EIF3H: variants seen among roughly 807,000 people sequenced by gnomAD.
EIF3H encodes the protein eukaryotic translation initiation factor 3 subunit H, also known as eIF-3-gamma.
Under a neutral mutation model 44.2 loss-of-function variants are expected in EIF3H, and 26 were observed. The observed-to-expected ratio is 0.59, with a 90% confidence interval of 0.43 to 0.82. The LOEUF (loss-of-function observed/expected upper bound fraction) is 0.82, where lower values mean the gene tolerates loss of function less well. Among genes scored for constraint, EIF3H ranks in the 40% least tolerant of loss-of-function variants. EIF3H has a pLI of 0.00. For synonymous variants in EIF3H, 166 were observed against 151.9 expected (o/e 1.09, Z -0.68); for missense variants, 359 against 432.8 (o/e 0.83, Z 1.51).
At chr8:116,756,595 G>A (rs185199787), upstream of EIF3H, among the ~76,000 whole-genome samples, 16 of 152,194 alleles carry the variant, frequency 1.1e-4, no homozygotes, top group African/African-American at 3.9e-4. Context: ...TTTTTGAAAT[G>A]TTTATTCAAT....
chr8:116,659,162 C>A (rs1170667935), intron 2 of EIF3H, among the ~76,000 whole-genome samples, 182 bp from the exon 3 acceptor site: 1 of 152,138 alleles, frequency 6.6e-6, no homozygotes, highest in East Asian at 1.9e-4. Flanking sequence ...GCTTTTAAAT[C>A]ATCAGGGGTT....
chr8:116,647,959 C>G (rs1468875497), intron 6 of EIF3H, among the ~76,000 whole-genome samples: 1 of 151,896 alleles, frequency 6.6e-6, no homozygotes, highest in East Asian at 1.9e-4. Context: ...CATATGTTTT[C>G]TCAATTCTAA....
At chr8:116,659,080 T>G (rs1255811668) in intron 2 of EIF3H, 100 bp from the exon 3 acceptor site, 12 of 969,394 alleles carry the variant, frequency 1.2e-5, no homozygotes, top group Non-Finnish European at 1.6e-5. Context: ...ACATAACAAT[T>G]TATTAGCAAT....
intron 1 of EIF3H, among the ~76,000 whole-genome samples, chr8:116,733,677 T>G (rs1271844366): frequency 6.6e-6 from 1 of 152,092 alleles, no homozygotes; most frequent in African/African-American, 2.4e-5. Context: ...AAAAATCTTA[T>G]ACATTGATAT....
intron 2 of EIF3H, among the ~76,000 whole-genome samples, chr8:116,685,410 C>G (rs188747551): frequency 5.3e-5 from 8 of 152,274 alleles, no homozygotes; most frequent in Admixed American, 5.2e-4. Context: ...AACACTGAGC[C>G]TCACACAGTA....
chr8:116,740,638 CA>C (rs1449679059), intron 1 of EIF3H, among the ~76,000 whole-genome samples: 1 of 152,018 alleles, frequency 6.6e-6, no homozygotes, highest in Non-Finnish European at 1.5e-5. Context: ...GTCTAGTACA[CA>C]GTTATTCTAG....
In EIF3H at chr8:116,755,786, G is replaced by A. The variant is rs1815433395; in HGVS notation, c.12C>T (p.Arg4=). MAS[R]KEGTGSTATS... Reference sequence around the variant, plus strand: ...TGGCAGTAGAGCCGGTACCTTCCTTGCGGGACGCCATCTTTCCAAGCAGAC... The same window carrying A: ...TGGCAGTAGAGCCGGTACCTTCCTTACGGGACGCCATCTTTCCAAGCAGAC... Residue 4 remains arginine (R), a synonymous_variant, in exon 1 of 8, where the codon CGC becomes CGT. Coordinates refer to ENST00000521861, the MANE Select transcript of EIF3H (RefSeq NM_003756.3). 7 of 1,613,602 alleles carry A rather than the reference G, an allele frequency of 4.3e-6. No individual in the cohort carries two copies. Among genetic ancestry groups the A allele is most frequent in the Non-Finnish European group, 5.9e-6 (7 of 1,180,036 alleles).
At chr8:116,735,800 G>GAAA (rs578239452) in intron 1 of EIF3H, among the ~76,000 whole-genome samples, 17 of 134,018 alleles carry the variant, frequency 1.3e-4, no homozygotes, top group Admixed American at 1.5e-4. Context: ...TGGGCATGCA[G>GAAA]AAAAAAAAAA....
At chr8:116,752,751 AAGAGGG>A (rs1314251839) in intron 1 of EIF3H, among the ~76,000 whole-genome samples, 2 of 82,066 alleles carry the variant, frequency 2.4e-5, no homozygotes, top group African/African-American at 9.4e-5. Flanking sequence ...GAAAGAAAGA[AAGAGGG>A]AGGGAGGGAG....
At chr8:116,673,554 C>T (rs1245064707) in intron 2 of EIF3H, among the ~76,000 whole-genome samples, 1 of 152,028 alleles carries the variant, frequency 6.6e-6, no homozygotes, top group Admixed American at 6.5e-5. Flanking sequence ...TGTCAAGCTA[C>T]CCAGGAAACT....
chr8:116,679,107 G>A (rs1308590479), intron 2 of EIF3H, among the ~76,000 whole-genome samples: 3 of 48,728 alleles, frequency 6.2e-5, no homozygotes, highest in East Asian at 3.1e-4. Context: ...CTCCCCGTCC[G>A]GGAGGGGGGA....
At chr8:116,733,505 CA>C (rs1814984418) in intron 1 of EIF3H, among the ~76,000 whole-genome samples, 1 of 152,112 alleles carries the variant, frequency 6.6e-6, no homozygotes, top group South Asian at 2.1e-4. Context: ...GAATAAAAGA[CA>C]GTCCTATCAC....
intron 2 of EIF3H, among the ~76,000 whole-genome samples, chr8:116,686,839 C>T (rs1377837223): frequency 6.6e-6 from 1 of 152,050 alleles, no homozygotes; most frequent in African/African-American, 2.4e-5. Flanking sequence ...CAGAGGAAAC[C>T]ACTGTGCAAA....
chr8:116,646,538 C>T lies in EIF3H; in HGVS notation c.894G>A (p.Glu298=). ...RQSRGEPPLP[E]EDLSKLFKPP... is the part of the protein sequence containing the mutation. The stretch of plus-strand genomic sequence containing the variant: ...GTTTGAAGAGTTTGGACAGGTCCTC[C>T]TCAGGGAGCGGGGGTTCTCCTCGGC... The change falls in exon 7 of 8, where the codon GAG becomes GAA. Residue 298 remains glutamate (E), a synonymous_variant. Coordinates refer to ENST00000521861, the MANE Select transcript of EIF3H (RefSeq NM_003756.3). The T allele has an allele frequency of 6.2e-7, 1 of 1,614,146 alleles. No homozygotes were observed. The highest frequency in any genetic ancestry group is 8.5e-7 in the Non-Finnish European group (1 of 1,180,018).
chr8:116,704,460 G>A (rs1814434286), intron 2 of EIF3H, among the ~76,000 whole-genome samples: 1 of 152,168 alleles, frequency 6.6e-6, no homozygotes, highest in Non-Finnish European at 1.5e-5. Flanking sequence ...TCACTTCTAA[G>A]TCTCACTTTT....
At chr8:116,655,782 G>T in intron 5 of EIF3H, 74 bp downstream of exon 5, 1 of 1,469,406 alleles carries the variant, frequency 6.8e-7, no homozygotes, top group Middle Eastern at 1.7e-4. Flanking sequence ...TTGTTTCACA[G>T]GTAAAGTTTA....
intron 2 of EIF3H, among the ~76,000 whole-genome samples, chr8:116,682,047 G>A (rs192029297): frequency 6.6e-4 from 100 of 152,322 alleles, no homozygotes; most frequent in Admixed American, 4.2e-3. Flanking sequence ...CCAGGAGACA[G>A]AAAATCATAA....
At chr8:116,651,021 C>T (rs1813381708) in intron 5 of EIF3H, among the ~76,000 whole-genome samples, 1 of 152,162 alleles carries the variant, frequency 6.6e-6, no homozygotes, top group Non-Finnish European at 1.5e-5. Flanking sequence ...ATAGGAATGA[C>T]AGCTTAATGG....
chr8:116,740,479 T>C (rs1396481377), intron 1 of EIF3H, among the ~76,000 whole-genome samples: 1 of 152,164 alleles, frequency 6.6e-6, no homozygotes, highest in African/African-American at 2.4e-5. Context: ...CTGAACATCG[T>C]ATTTTTAAGA....
Sources: allele counts gnomAD v4.1 joint callset (sites outside exome capture counted in the v4.1 genomes callset), GRCh38; gene constraint gnomAD v4.1.1; transcripts MANE v1.5; gene names NCBI Gene and HGNC (gene_info 2026-07-23, HGNC 2026-07-21).